CSMD1: variants seen among roughly 807,000 people sequenced by gnomAD.
The protein encoded by CSMD1 is CUB and Sushi multiple domains 1, also known as CUB and sushi domain-containing protein 1.
Under a neutral mutation model 417.5 loss-of-function variants are expected in CSMD1, and 213 were observed. That is an observed-to-expected ratio of 0.51 (90% CI 0.46 to 0.57). The LOEUF is 0.57. Ranked by LOEUF, CSMD1 falls within the 20% of genes least tolerant of loss-of-function variation. The pLI is 0.00. For missense variants in CSMD1, 6,923 were observed against 4,529.7 expected (o/e 1.53, Z -15.17); for synonymous variants, 2,862 against 1,736.8 (o/e 1.65, Z -16.11).
intron 25 of CSMD1, among the ~76,000 whole-genome samples, chr8:3,288,334 C>T (rs1309182390): frequency 1.4e-5 from 2 of 146,990 alleles, no homozygotes; most frequent in South Asian, 2.1e-4. Context: ...AGGGAGGATT[C>T]CTTCTTTTTC....
At chr8:4,533,494 T>C (rs1796944378) in intron 2 of CSMD1, among the ~76,000 whole-genome samples, 1 of 152,188 alleles carries the variant, frequency 6.6e-6, no homozygotes, top group African/African-American at 2.4e-5. Flanking sequence ...TTGGAGTTTA[T>C]CAACCCACTC....
chr8:3,230,528 A>G (rs536229446), intron 26 of CSMD1, among the ~76,000 whole-genome samples: 43 of 152,286 alleles, frequency 2.8e-4, no homozygotes, highest in African/African-American at 8.7e-4. Flanking sequence ...AAATACATAC[A>G]TACACACAGA....
At chr8:4,274,896 T>C (rs562380283) in intron 3 of CSMD1, among the ~76,000 whole-genome samples, 14 of 152,212 alleles carry the variant, frequency 9.2e-5, no homozygotes, top group Non-Finnish European at 2.1e-4. Context: ...TGCTCACAGA[T>C]ATTCCAGAAG....
intron 7 of CSMD1, among the ~76,000 whole-genome samples, chr8:3,677,035 G>C (rs745309777): frequency 2.0e-5 from 3 of 152,046 alleles, no homozygotes; most frequent in Non-Finnish European, 4.4e-5. Context: ...GAGAGCATTA[G>C]AACAAATACC....
chr8:2,944,890 T>C (rs936012360), intron 68 of CSMD1, among the ~76,000 whole-genome samples: 7 of 152,138 alleles, frequency 4.6e-5, no homozygotes, highest in Admixed American at 4.6e-4. Context: ...TTATCCATAA[T>C]AGATAACAAA....
intron 10 of CSMD1, among the ~76,000 whole-genome samples, chr8:3,565,057 CT>C (rs1799639659): frequency 1.4e-5 from 2 of 142,774 alleles, no homozygotes; most frequent in Non-Finnish European, 3.0e-5. Flanking sequence ...CCTGCACATC[CT>C]GCACATGGAC....
intron 10 of CSMD1, among the ~76,000 whole-genome samples, chr8:3,548,118 T>C (rs571001728): frequency 3.5e-4 from 54 of 152,248 alleles, no homozygotes; most frequent in African/African-American, 1.2e-3. Flanking sequence ...AGAAGAGCAC[T>C]GATAATTATT....
chr8:4,247,185 G>C (rs1054096621), intron 3 of CSMD1, among the ~76,000 whole-genome samples: 3 of 152,146 alleles, frequency 2.0e-5, no homozygotes, highest in South Asian at 2.1e-4. Context: ...CTATAACACA[G>C]TTTGCATAGC....
At chr8:3,460,824 C>G (rs113928009) in intron 12 of CSMD1, among the ~76,000 whole-genome samples, 6 of 152,136 alleles carry the variant, frequency 3.9e-5, no homozygotes, top group East Asian at 1.9e-4. Flanking sequence ...TGGGTAAGAA[C>G]AGACAATGCT....
chr8:4,093,483 A>G (rs550848750), intron 3 of CSMD1, among the ~76,000 whole-genome samples: 10 of 152,220 alleles, frequency 6.6e-5, no homozygotes, highest in African/African-American at 9.6e-5. Flanking sequence ...TAGAAGTTAC[A>G]TAGATGTTAT....
chr8:3,244,367 A>C (rs533274738), intron 26 of CSMD1, among the ~76,000 whole-genome samples: 1 of 152,268 alleles, frequency 6.6e-6, no homozygotes, highest in East Asian at 1.9e-4. Flanking sequence ...ATGCAAACCT[A>C]GGACGTGTCC....
At chr8:3,530,680 GC>G (rs1417052118) in intron 10 of CSMD1, among the ~76,000 whole-genome samples, 3 of 151,592 alleles carry the variant, frequency 2.0e-5, no homozygotes, top group African/African-American at 7.3e-5. Flanking sequence ...ACAGGCACCC[GC>G]CACCACAGCC....
At chr8:4,817,069 A>T (rs1799250056) in intron 1 of CSMD1, among the ~76,000 whole-genome samples, 1 of 152,182 alleles carries the variant, frequency 6.6e-6, no homozygotes. Flanking sequence ...GAAGAACTAG[A>T]CCATGTATAT....
chr8:4,356,747 G>A (rs1433351570), intron 3 of CSMD1, among the ~76,000 whole-genome samples: 1 of 152,010 alleles, frequency 6.6e-6, no homozygotes, highest in African/African-American at 2.4e-5. Flanking sequence ...ACCTTCTCCG[G>A]CCGTGAATGA....
At position 4,841,029 on chromosome 8, in the gene CSMD1, C is replaced by G. The variant is rs75487215; in HGVS notation, c.85+153303G>C. 5.8e-3 allele frequency among the ~76,000 whole-genome samples: 879 copies of G among 152,328 alleles called. 10 individuals carry two copies. The highest frequency in any genetic ancestry group is 0.02 in the African/African-American group (846 of 41,574). ...GTTTGCCGTCAGCCCCCTGGCTCCA[C>G]CCTGTCAGCACCAACGTTCTTCCTG... is the stretch of plus-strand genomic sequence containing the variant. On this transcript the variant is annotated intron_variant, in intron 1 of 69. Transcript: ENST00000635120.
At chr8:4,108,488 G>C (rs148766785) in intron 3 of CSMD1, among the ~76,000 whole-genome samples, 186 of 152,282 alleles carry the variant, frequency 1.2e-3, no homozygotes, top group Admixed American at 2.5e-3. Flanking sequence ...AGTGGCAAGT[G>C]ATTGCTCTTA....
chr8:4,318,533 T>G (rs949615546), intron 3 of CSMD1, among the ~76,000 whole-genome samples: 3 of 152,096 alleles, frequency 2.0e-5, no homozygotes, highest in African/African-American at 7.2e-5. Context: ...AAGTACTGAT[T>G]AATAAAGTTA....
At chr8:3,044,005 G>A (rs1238546448) in intron 50 of CSMD1, among the ~76,000 whole-genome samples, 2 of 152,016 alleles carry the variant, frequency 1.3e-5, no homozygotes, top group Non-Finnish European at 2.9e-5. Context: ...CTACTTCAGG[G>A]GAAAAAAAAG....
At chr8:4,919,402 A>T (rs968969556) in intron 1 of CSMD1, among the ~76,000 whole-genome samples, 8 of 152,316 alleles carry the variant, frequency 5.3e-5, no homozygotes, top group Middle Eastern at 3.4e-3. Context: ...ATTCATTAGA[A>T]ATATGACCAA....
Sources: allele counts gnomAD v4.1 joint callset (sites outside exome capture counted in the v4.1 genomes callset), GRCh38; gene constraint gnomAD v4.1.1; transcripts MANE v1.5; gene names NCBI Gene and HGNC (gene_info 2026-07-23, HGNC 2026-07-21).